Variants in BICC1 observed in about 807,000 individuals in gnomAD.
BICC1 encodes the protein protein bicaudal C homolog 1.
In BICC1, 43 loss-of-function variants were observed where a neutral mutation model predicts 111.0. The observed-to-expected ratio is 0.39, with a 90% CI of 0.30 to 0.50. The LOEUF is 0.50. Ranked by LOEUF, BICC1 falls within the 20% of genes least tolerant of loss-of-function variation. BICC1 has a pLI of 0.88. For synonymous variants in BICC1, 467 were observed against 434.4 expected, an observed-to-expected ratio of 1.07 and a Z score of -0.93; for missense variants, 1,091 against 1,203.2, an observed-to-expected ratio of 0.91 and a Z score of 1.38.
intron 20 of BICC1, among the ~76,000 whole-genome samples, chr10:58,824,931 A>T (rs1844353300): frequency 6.6e-6 from 1 of 152,220 alleles, no homozygotes; most frequent in South Asian, 2.1e-4. Context: ...ATGCATACTC[A>T]TAAAACAACG....
chr10:58,756,626 C>CTTTTTTT (rs66709538), intron 3 of BICC1, among the ~76,000 whole-genome samples: 16 of 135,914 alleles, frequency 1.2e-4, no homozygotes, highest in African/African-American at 1.8e-4. Context: ...AACTACTAGC[C>CTTTTTTT]TTTTTTTTTT....
chr10:58,649,505 T>C (rs576946116), intron 2 of BICC1, among the ~76,000 whole-genome samples: 98 of 152,216 alleles, frequency 6.4e-4, no homozygotes, highest in Non-Finnish European at 1.1e-3. Context: ...GATTTTCTCA[T>C]GTTAGTGAAG....
chr10:58,743,777 C>CTTTT (rs5785345), intron 3 of BICC1, among the ~76,000 whole-genome samples: 1 of 143,718 alleles, frequency 7.0e-6, no homozygotes, highest in African/African-American at 2.6e-5. Context: ...GTTTTCTTTT[C>CTTTT]TTTTTTTTTT....
At chr10:58,524,446 G>T (rs978896830) in intron 1 of BICC1, among the ~76,000 whole-genome samples, 6 of 151,928 alleles carry the variant, frequency 3.9e-5, no homozygotes, top group African/African-American at 1.4e-4. Context: ...ACAAGCAATG[G>T]GGAAAGGATT....
At chr10:58,823,734 G>A (rs551715053) in intron 20 of BICC1, 110 of 985,132 alleles carry the variant, frequency 1.1e-4, no homozygotes, top group East Asian at 3.4e-4. Flanking sequence ...TTATTCCCCC[G>A]TGAGAAAATG....
At chr10:58,648,830 G>A (rs1219596101) in intron 2 of BICC1, among the ~76,000 whole-genome samples, 1 of 152,118 alleles carries the variant, frequency 6.6e-6, no homozygotes, top group African/African-American at 2.4e-5. Context: ...CACTATGCAT[G>A]TTAGTATCAC....
chr10:58,819,502 A>C (rs533651396), intron 19 of BICC1, among the ~76,000 whole-genome samples: 1 of 152,186 alleles, frequency 6.6e-6, no homozygotes, highest in African/African-American at 2.4e-5. Flanking sequence ...AAGTAACTTC[A>C]TGAGATTTAA....
rs570898598 is a variant in BICC1 at position 58,693,637 on chromosome 10, C to T, written c.238-8437C>T. Among the ~76,000 whole-genome samples the T allele has an allele frequency of 4.2e-3, 639 of 151,478 alleles. 13 individuals carry two copies. The highest frequency in any genetic ancestry group is 0.015 in the African/African-American group (603 of 41,436). ...TGATGATGAGCATTTTTTCATGTGT[C>T]TTTTGGCTGCATAAATGTCTTCTTT... On this transcript the variant is annotated intron_variant, in intron 2 of 20. Coordinates refer to ENST00000373886, the MANE Select transcript of BICC1 (RefSeq NM_001080512.3).
At chr10:58,669,446 C>G (rs1839115541) in intron 2 of BICC1, among the ~76,000 whole-genome samples, 1 of 151,838 alleles carries the variant, frequency 6.6e-6, no homozygotes, top group East Asian at 1.9e-4. Context: ...ACAATTTGAC[C>G]CTTATATTTT....
At chr10:58,724,756 C>A (rs888397318) in intron 3 of BICC1, among the ~76,000 whole-genome samples, 1 of 152,212 alleles carries the variant, frequency 6.6e-6, no homozygotes, top group South Asian at 2.1e-4. Context: ...CTGGCAGTCA[C>A]CAGAACACAT....
intron 3 of BICC1, among the ~76,000 whole-genome samples, chr10:58,737,693 G>T (rs941226450): frequency 4.6e-5 from 7 of 152,120 alleles, no homozygotes; most frequent in African/African-American, 7.2e-5. Context: ...CACAATGGTC[G>T]AACTAGTTTA....
At chr10:58,676,020 G>C (rs1190590144) in intron 2 of BICC1, among the ~76,000 whole-genome samples, 1 of 152,164 alleles carries the variant, frequency 6.6e-6, no homozygotes. Context: ...CCTCACCTGG[G>C]AAGTGCAAGG....
intron 3 of BICC1, among the ~76,000 whole-genome samples, chr10:58,727,079 C>T (rs1841130174): frequency 6.6e-6 from 1 of 152,104 alleles, no homozygotes; most frequent in Non-Finnish European, 1.5e-5. Context: ...AACTTTGTCT[C>T]ACTAATGTTA....
intron 1 of BICC1, among the ~76,000 whole-genome samples, chr10:58,591,485 A>G (rs981274874): frequency 6.6e-6 from 1 of 152,140 alleles, no homozygotes; most frequent in Non-Finnish European, 1.5e-5. Context: ...GGAAGGGGCA[A>G]AGGACCTCTC....
intron 2 of BICC1, among the ~76,000 whole-genome samples, chr10:58,683,260 G>C (rs557401567): frequency 2.0e-5 from 3 of 152,302 alleles, no homozygotes; most frequent in African/African-American, 7.2e-5. Context: ...TTTGGTACCA[G>C]TACCATGCTG....
rs896610182 is a variant in BICC1, at chr10:58,720,602, T to C, written c.307+18459T>C. On this transcript the variant is annotated intron_variant, in intron 3 of 20. Transcript: ENST00000373886. ...GGCTGAGAGCTGGGGAGAATCATTA[T>C]GTGTTACAGGAAGAGAGGAGACTAT... Among the ~76,000 whole-genome samples the C allele has an allele frequency of 1.4e-4, 22 of 152,326 alleles. 1 individual carries two copies. The highest frequency in any genetic ancestry group is 1.4e-3 in the Admixed American group (22 of 15,298).
intron 14 of BICC1, among the ~76,000 whole-genome samples, chr10:58,801,920 T>C (rs548865151): frequency 1.3e-5 from 2 of 152,342 alleles, no homozygotes; most frequent in Non-Finnish European, 2.9e-5. Context: ...CTTGAAACTA[T>C]TGAAGCATTT....
At position 58,512,983 on chromosome 10, in the gene BICC1, GGGCTCAGTGGCGGCGGC is replaced by G. The variant is rs1842132988; in HGVS notation, c.-157_-141del. Among the ~76,000 whole-genome samples the G allele has an allele frequency of 1.4e-5, 2 of 148,116 alleles. No homozygotes were observed. Among genetic ancestry groups the G allele is most frequent in the African/African-American group, 4.9e-5 (2 of 41,022 alleles). ...GGCGCCCGGGGCTGGGATGCGCCGG[GGGCTCAGTGGCGGCGGC>G]GGCGTTGGCGGTGGCGTCGGCGGCT... is the stretch of plus-strand genomic sequence containing the variant. On this transcript the variant is annotated 5_prime_UTR_variant, in exon 1 of 21. An upstream open reading frame in the 5' UTR loses its in-frame stop. Coordinates refer to ENST00000373886, the MANE Select transcript of BICC1 (RefSeq NM_001080512.3).
At position 58,671,306 on chromosome 10, in the gene BICC1, G is replaced by A. The variant is rs192668849; in HGVS notation, c.238-30768G>A. ...AGCAAGGTAGTCCAGGTCTGGTGTG[G>A]TGGCTGTTTTCCAGAGACCTCAGTA... is the stretch of plus-strand genomic sequence containing the variant. On this transcript the variant is annotated intron_variant, in intron 2 of 20. Transcript: ENST00000373886. Among the ~76,000 whole-genome samples, 193 of 152,248 alleles carry A rather than the reference G, an allele frequency of 1.3e-3. 2 individuals carry two copies. The highest frequency in any genetic ancestry group is 4.6e-4 in the Non-Finnish European group (31 of 68,024).
Sources: allele counts gnomAD v4.1 joint callset (sites outside exome capture counted in the v4.1 genomes callset), GRCh38; gene constraint gnomAD v4.1.1; transcripts MANE v1.5; gene names NCBI Gene and HGNC (gene_info 2026-07-23, HGNC 2026-07-21).